Variants in SYT13 observed in about 807,000 individuals in gnomAD.
SYT13 encodes synaptotagmin-13.
A neutral mutation model predicts 38.6 loss-of-function variants in SYT13; 21 were observed. The observed-to-expected ratio is 0.54, with a 90% CI of 0.39 to 0.78. SYT13 has a LOEUF of 0.78. SYT13 is among the 30% of genes least tolerant of loss of function. The probability of loss-of-function intolerance (pLI) is 0.00; values close to 1 mark genes in which losing one functional copy is unlikely to be tolerated. For synonymous variants in SYT13, 241 were observed against 237.6 expected, an observed-to-expected ratio of 1.01 and a Z score of -0.13; for missense variants, 495 against 548.7, an observed-to-expected ratio of 0.90 and a Z score of 0.98.
intron 4 of SYT13, among the ~76,000 whole-genome samples, chr11:45,251,830 G>A (rs1486411314): frequency 2.0e-5 from 3 of 152,172 alleles, no homozygotes; most frequent in Non-Finnish European, 2.9e-5. Context: ...ATGGACCACC[G>A]GGCTCTGGGC....
At position 45,267,643 on chromosome 11, in the gene SYT13, C is replaced by T. The variant is rs568554279; in HGVS notation, c.184-11752G>A. Among the ~76,000 whole-genome samples the T allele has an allele frequency of 5.9e-5, 9 of 152,268 alleles. No individual in the cohort carries two copies. The South Asian group carries it at 1.0e-3, about 18-fold the overall frequency. ...GTCTCAGAGTCCGCTCAGCTCCCCC[C>T]GGCAACACTGATTTGCCTGCTAGGC... is the stretch of plus-strand genomic sequence containing the variant. On this transcript the variant is annotated intron_variant, in intron 1 of 5. Transcript: ENST00000020926.
chr11:45,272,930 C>T (rs1854968029), intron 1 of SYT13, among the ~76,000 whole-genome samples: 1 of 152,176 alleles, frequency 6.6e-6, no homozygotes. Context: ...CACTGTTGGT[C>T]CTGAGTTTTG....
chr11:45,273,939 C>T (rs778312720), intron 1 of SYT13, among the ~76,000 whole-genome samples: 1 of 152,118 alleles, frequency 6.6e-6, no homozygotes, highest in African/African-American at 2.4e-5. Context: ...GTGCTGAATC[C>T]GTTGGGTGCT....
Position 45,252,508 on chromosome 11 carries a change from G to A in SYT13, c.759C>T (p.Ser253=), listed in dbSNP as rs1363407839. ...GGCCCAGGCGGAGCTCCCCGGCCAC[G>A]CTGTGACGGGAGAAGCGGTCGCAGG... is the stretch of plus-strand genomic sequence containing the variant. ...LRTCDRFSRH[S]VAGELRLGLD... is the part of the protein sequence containing the mutation. Residue 253 remains serine (S), a synonymous_variant, in exon 4 of 6, where the codon AGC becomes AGT. Transcript: ENST00000020926. This position sits in a 1 kb window ranked among gnomAD's most constrained non-coding sequence, Gnocchi z 4.3. 13 of 1,613,858 alleles carry A rather than the reference G, an allele frequency of 8.1e-6. No homozygotes were observed. Among genetic ancestry groups the A allele is most frequent in the South Asian group, 3.3e-5 (3 of 91,090 alleles).
intron 1 of SYT13, among the ~76,000 whole-genome samples, chr11:45,262,480 CT>C (rs1334515436): frequency 6.6e-6 from 1 of 152,096 alleles, no homozygotes; most frequent in African/African-American, 2.4e-5. Context: ...ACTCTCAGTA[CT>C]TTGGGAGGCT....
At chr11:45,262,835 A>T in intron 1 of SYT13, among the ~76,000 whole-genome samples, 1 of 151,416 alleles carries the variant, frequency 6.6e-6, no homozygotes, top group South Asian at 2.1e-4. Context: ...TTACCATAAT[A>T]AAAAAAAAGA....
chr11:45,250,728 G>A (rs556242515), intron 4 of SYT13, among the ~76,000 whole-genome samples: 673 of 152,246 alleles, frequency 4.4e-3, no homozygotes, highest in Admixed American at 7.1e-3. Context: ...CTGAGCCTGG[G>A]AAAGAGGAAA....
In SYT13 at chr11:45,286,255, C is replaced by G. The variant is rs561303308; in HGVS notation, c.-48G>C. ...CTGGGTCCCGCAGCCGCTCACCTTCCCCGGGCCGGGCCCGCCTCCAGGCAG... is the reference window on the plus strand; with the variant it reads ...CTGGGTCCCGCAGCCGCTCACCTTCGCCGGGCCGGGCCCGCCTCCAGGCAG... On this transcript the variant is annotated 5_prime_UTR_variant, in exon 1 of 6. Coordinates refer to ENST00000020926, the MANE Select transcript of SYT13 (RefSeq NM_020826.3). The G allele has an allele frequency of 2.1e-5, 31 of 1,480,546 alleles. No individual in the cohort carries two copies. In the East Asian group the frequency reaches 6.9e-4, roughly 33 times the overall value. The allele number at this position is 1,480,546 out of a possible 1,614,324, so 91.7% of individuals were successfully genotyped here.
chr11:45,256,440 A>C (rs1248283073), intron 1 of SYT13, among the ~76,000 whole-genome samples: 2 of 151,976 alleles, frequency 1.3e-5, no homozygotes, highest in African/African-American at 4.8e-5. Context: ...CCAGCCCCTA[A>C]CTTTTCCTCC....
In SYT13 at chr11:45,242,721, T is replaced by C. The variant is rs1565371522; in HGVS notation, c.*1331A>G. 1 of 152,060 alleles carries C rather than the reference T, an allele frequency of 6.6e-6. No homozygotes were observed. The highest frequency in any genetic ancestry group is 1.5e-5 in the Non-Finnish European group (1 of 68,030). 9.4% of individuals were successfully genotyped at this position (152,060 alleles called of 1,614,324 possible). A position where few individuals can be genotyped will look rare whatever the true frequency, so the allele number is the denominator to read the frequency against. On this transcript the variant is annotated 3_prime_UTR_variant, in exon 6 of 6. Transcript: ENST00000020926. ...GTAGGCTTCCTAGTCATTAGTCCTA[T>C]CTTACACAGCTGGCCAAACAGGTGC...
Position 45,255,843 on chromosome 11 carries a change from T to G in SYT13, c.232A>C (p.Lys78Gln). Residue 78 changes from lysine to glutamine, a missense_variant, in exon 2 of 6, where the codon AAG becomes CAG. Lys to Gln is a moderately conservative substitution (Grantham distance 53, BLOSUM62 1). Transcript: ENST00000020926. ...CTGGGTCCATAGATGTCTGGGAACTTGAGGAGGGCACGGGGCTGAACAGGT... is the reference window on the plus strand; with the variant it reads ...CTGGGTCCATAGATGTCTGGGAACTGGAGGAGGGCACGGGGCTGAACAGGT... ...TEPVQPRALLKFPDIYGPRPA... is the reference protein window; with the variant it reads ...TEPVQPRALLQFPDIYGPRPA... 6.2e-7 allele frequency: 1 copy of G among 1,614,168 alleles called. No homozygotes were observed. The highest frequency in any genetic ancestry group is 2.2e-5 in the East Asian group (1 of 44,882).
chr11:45,252,358 C>A lies in SYT13; in HGVS notation c.846+63G>T. The A allele has an allele frequency of 6.7e-7, 1 of 1,493,298 alleles. No homozygotes were observed. Among genetic ancestry groups the A allele is most frequent in the Admixed American group, 2.1e-5 (1 of 47,324 alleles). The allele number at this position is 1,493,298 out of a possible 1,614,324, so 92.5% of individuals were successfully genotyped here. On this transcript the variant is annotated intron_variant, in intron 4 of 5. Coordinates refer to ENST00000020926, the MANE Select transcript of SYT13 (RefSeq NM_020826.3). The surrounding 1 kb of genome is among the most constrained non-coding windows in gnomAD (Gnocchi z 4.3). Reference sequence around the variant, plus strand: ...TAAGACTGAGTTGCTGGGAGGACACCAGGTTCTGCCATCCCATGCTGCACG... The same window carrying A: ...TAAGACTGAGTTGCTGGGAGGACACAAGGTTCTGCCATCCCATGCTGCACG...
intron 1 of SYT13, among the ~76,000 whole-genome samples, chr11:45,284,660 G>T (rs1276633901): frequency 1.3e-5 from 2 of 152,134 alleles, no homozygotes; most frequent in Non-Finnish European, 2.9e-5. Flanking sequence ...AGGGGAGGGG[G>T]CGGTGCCTGG....
chr11:45,264,341 AT>A (rs1806812443), intron 1 of SYT13, among the ~76,000 whole-genome samples: 1 of 152,190 alleles, frequency 6.6e-6, no homozygotes, highest in Non-Finnish European at 1.5e-5. Context: ...TGAACAGATT[AT>A]GCAAATGTGA....
At chr11:45,267,728 T>C (rs1377972107) in intron 1 of SYT13, among the ~76,000 whole-genome samples, 1 of 152,104 alleles carries the variant, frequency 6.6e-6, no homozygotes, top group African/African-American at 2.4e-5. Flanking sequence ...GCTTGAAGAA[T>C]TGTGAAGCCA....
chr11:45,243,881 GCT>G lies in SYT13; in HGVS notation c.*169_*170del. On this transcript the variant is annotated 3_prime_UTR_variant, in exon 6 of 6. Transcript: ENST00000020926. ...GTGTGACCCGCATATTCCATTTCCT[GCT>G]CTGTCTTGCTTATTTCTAAGAAACA... 2 of 683,294 alleles carry G rather than the reference GCT, an allele frequency of 2.9e-6. No individual in the cohort carries two copies. Among genetic ancestry groups the G allele is most frequent in the South Asian group, 3.9e-5 (2 of 51,648 alleles). The allele number at this position is 683,294 out of a possible 1,614,324, so 42.3% of individuals were successfully genotyped here. A position where few individuals can be genotyped will look rare whatever the true frequency, so the allele number is the denominator to read the frequency against.
chr11:45,252,793 G>A lies in SYT13; in HGVS notation c.545-71C>T. On this transcript the variant is annotated intron_variant, in intron 3 of 5. Coordinates refer to ENST00000020926, the MANE Select transcript of SYT13 (RefSeq NM_020826.3). The surrounding 1 kb of genome is among the most constrained non-coding windows in gnomAD (Gnocchi z 4.3). ...AGTGGAGGGGGCAGAAGCACGCCTT[G>A]CTTAGGGCTGTGGAATCCAGCTTAA... 1.4e-6 allele frequency: 2 copies of A among 1,476,874 alleles called. No homozygotes were observed. The highest frequency in any genetic ancestry group is 3.8e-4 in the Middle Eastern group (2 of 5,330). 91.5% of individuals were successfully genotyped at this position (1,476,874 alleles called of 1,614,324 possible).
In SYT13 at chr11:45,246,497, C is replaced by A. The variant is rs1235834297; in HGVS notation, c.862G>T (p.Ala288Ser). The A allele has an allele frequency of 6.2e-7, 1 of 1,613,986 alleles. No homozygotes were observed. Among genetic ancestry groups the A allele is most frequent in the African/African-American group, 1.3e-5 (1 of 74,922 alleles). ...KTSAKEPSAG[A>S]GEVLLSISYL... ...CTGATGGATAGTAGGACCTCTCCAG[C>A]TCCTGCAGATGGCTCCTGAAACAGA... Residue 288 changes from alanine to serine, a missense_variant, in exon 5 of 6, where the codon GCT (alanine) becomes TCT (serine). By Grantham distance (99) the Ala-to-Ser change is moderately conservative (BLOSUM62 1). Transcript: ENST00000020926.
intron 1 of SYT13, among the ~76,000 whole-genome samples, chr11:45,285,143 T>C (rs144888370): frequency 6.6e-6 from 1 of 152,312 alleles, no homozygotes; most frequent in Non-Finnish European, 1.5e-5. Context: ...ACTCTTTGCC[T>C]CCTGGTTCTC....
Sources: gnomAD v4.1 joint callset for allele counts (sites outside exome capture counted in the v4.1 genomes callset) on GRCh38, gnomAD v4.1.1 for gene constraint, Gnocchi (gnomAD v3.1) non-coding constraint, MANE v1.5 for transcripts, NCBI Gene and HGNC (gene_info 2026-07-23, HGNC 2026-07-21) for gene names.